MCF2L2: variants seen among roughly 807,000 people sequenced by gnomAD.
MCF2L2 encodes the protein MCF.2 cell line derived transforming sequence-like 2, also known as probable guanine nucleotide exchange factor MCF2L2.
MCF2L2 carries 102 observed loss-of-function variants against 150.2 expected under a neutral mutation model. The ratio of observed to expected loss-of-function variants is 0.68; its 90% CI spans 0.58 to 0.80. The LOEUF is 0.80. Ranked by LOEUF, MCF2L2 falls within the 30% of genes least tolerant of loss-of-function variation. MCF2L2 has a pLI of 0.00. For synonymous variants in MCF2L2, 465 were observed against 491.3 expected (o/e 0.95, Z 0.71); for missense variants, 1,256 against 1,372.8 (o/e 0.91, Z 1.34).
chr3:183,222,618 TTTTG>T lies in MCF2L2; in HGVS notation c.2301+724_2301+727del, dbSNP rs544380655. On this transcript the variant is annotated intron_variant, in intron 20 of 29. Transcript: ENST00000328913. ...TACCCAGTAAACAGTAGGTGCTTGT[TTTTG>T]TTTTTGTTTTTGTTTTTTATTAAGA... Among the ~76,000 whole-genome samples the T allele has an allele frequency of 3.3e-4, 49 of 149,124 alleles. 1 individual carries two copies. The South Asian group carries it at 1.0e-2, about 30-fold the overall frequency.
intron 3 of MCF2L2, chr3:183,376,766 G>A (rs1424678065): frequency 1.3e-5 from 2 of 152,330 alleles, no homozygotes; most frequent in Non-Finnish European, 2.9e-5. Context: ...GTTAGAGTCA[G>A]TTACTTCTAT....
chr3:183,220,660 C>T (rs779700451), intron 20 of MCF2L2, among the ~76,000 whole-genome samples: 2 of 152,184 alleles, frequency 1.3e-5, no homozygotes, highest in Non-Finnish European at 2.9e-5. Flanking sequence ...GCCTGTCTCA[C>T]CAGCCCCTAG....
At chr3:183,397,007 T>C (rs959993561) in intron 1 of MCF2L2, among the ~76,000 whole-genome samples, 2 of 152,222 alleles carry the variant, frequency 1.3e-5, no homozygotes, top group African/African-American at 4.8e-5. Context: ...CCTCTAGGAC[T>C]GTGAGAAAAA....
At chr3:183,212,172 C>T (rs1722747019) in intron 22 of MCF2L2, among the ~76,000 whole-genome samples, 2 of 152,206 alleles carry the variant, frequency 1.3e-5, no homozygotes, top group Admixed American at 6.5e-5. Context: ...AGGATTCTTC[C>T]TGAGAGCCCT....
At chr3:183,407,484 A>G (rs779897411) in intron 1 of MCF2L2, among the ~76,000 whole-genome samples, 2 of 152,224 alleles carry the variant, frequency 1.3e-5, no homozygotes, top group African/African-American at 4.8e-5. Flanking sequence ...AATATGGATG[A>G]TATGTTAGTT....
intron 1 of MCF2L2, among the ~76,000 whole-genome samples, chr3:183,393,194 T>C (rs922317407): frequency 1.4e-5 from 2 of 140,952 alleles, no homozygotes; most frequent in Non-Finnish European, 3.0e-5. Flanking sequence ...ACTTGTCTCT[T>C]TTTTTTTTTT....
At chr3:183,418,438 T>C (rs149813689) in intron 1 of MCF2L2, among the ~76,000 whole-genome samples, 2,769 of 152,202 alleles carry the variant, frequency 0.018, 38 homozygotes, top group Non-Finnish European at 0.027. Context: ...TTCCCAATAG[T>C]CCCCCAAAGT....
intron 3 of MCF2L2, among the ~76,000 whole-genome samples, chr3:183,362,064 T>C (rs915635797): frequency 6.6e-6 from 1 of 152,156 alleles, no homozygotes; most frequent in African/African-American, 2.4e-5. Context: ...TATACGCAAA[T>C]ATTCCAAAAT....
intron 15 of MCF2L2, chr3:183,254,166 G>C (rs1360857411): frequency 2.0e-5 from 3 of 151,840 alleles, no homozygotes; most frequent in Non-Finnish European, 4.4e-5. Context: ...GAGGTCTCTG[G>C]AGGAGAAGAG....
intron 3 of MCF2L2, among the ~76,000 whole-genome samples, chr3:183,369,493 A>G (rs73884684): frequency 0.32 from 48,201 of 152,020 alleles, 11,710 homozygotes; most frequent in African/African-American, 0.68. Flanking sequence ...TTTGTACATG[A>G]GACCCATGAA....
At chr3:183,321,357 G>A (rs1363822985) in intron 6 of MCF2L2, among the ~76,000 whole-genome samples, 1 of 150,292 alleles carries the variant, frequency 6.7e-6, no homozygotes, top group East Asian at 2.0e-4. Context: ...AGAATTGCTT[G>A]AACCCAGGAG....
chr3:183,334,453 C>T (rs770740762), intron 5 of MCF2L2, among the ~76,000 whole-genome samples: 4 of 151,858 alleles, frequency 2.6e-5, no homozygotes, highest in Non-Finnish European at 4.4e-5. Context: ...GGCCTCCAGG[C>T]GATACTCCAA....
In MCF2L2 at chr3:183,256,494, T is replaced by G. The variant is rs1268976490; in HGVS notation, c.1862+20378A>C. Among the ~76,000 whole-genome samples the G allele has an allele frequency of 2.0e-5, 3 of 152,188 alleles. No homozygotes were observed. In the East Asian group the frequency reaches 5.8e-4, roughly 29 times the overall value. ...AAACATTTTAATTCTACAAATTCAG[T>G]TGCTGGCTTTGATATGTAACTTATT... On this transcript the variant is annotated intron_variant, in intron 15 of 29. Transcript: ENST00000328913.
Position 183,218,264 on chromosome 3 carries a change from C to T in MCF2L2, c.2370+1592G>A, listed in dbSNP as rs142990925. ...TATCATGGATTCGTAGCTTCTCATT[C>T]ATAATAAAGAAGCTTCGCTTCCTGG... On this transcript the variant is annotated intron_variant, in intron 21 of 29. Transcript: ENST00000328913. 3.9e-4 allele frequency among the ~76,000 whole-genome samples: 60 copies of T among 152,344 alleles called. No homozygotes were observed. In the East Asian group the frequency reaches 0.011, roughly 28 times the overall value.
intron 15 of MCF2L2, among the ~76,000 whole-genome samples, chr3:183,234,035 A>T (rs945671432): frequency 1.3e-5 from 2 of 152,240 alleles, no homozygotes; most frequent in African/African-American, 4.8e-5. Flanking sequence ...TACTTTACTA[A>T]GTCACTGAGA....
intron 18 of MCF2L2, chr3:183,225,997 C>T (rs1723327661): frequency 6.6e-6 from 1 of 152,170 alleles, no homozygotes; most frequent in Admixed American, 6.5e-5. Context: ...ACCAGTTACT[C>T]CCACATATCA....
At chr3:183,318,278 G>A in intron 6 of MCF2L2, 61 bp from the exon 7 acceptor site, 1 of 1,553,280 alleles carries the variant, frequency 6.4e-7, no homozygotes, top group East Asian at 2.2e-5. Context: ...ATGCTGTCTT[G>A]ATGGAAAGAC....
intron 1 of MCF2L2, among the ~76,000 whole-genome samples, chr3:183,404,617 C>A (rs1279250432): frequency 6.6e-6 from 1 of 152,202 alleles, no homozygotes; most frequent in Non-Finnish European, 1.5e-5. Flanking sequence ...AATCCCAGCA[C>A]TTTGGGAGGC....
At chr3:183,264,432 C>T (rs1725911127) in intron 15 of MCF2L2, among the ~76,000 whole-genome samples, 1 of 152,232 alleles carries the variant, frequency 6.6e-6, no homozygotes, top group Non-Finnish European at 1.5e-5. Flanking sequence ...TCTGTGGGAA[C>T]TATGCTTTCA....
Sources: gnomAD v4.1 joint callset for allele counts (sites outside exome capture counted in the v4.1 genomes callset) on GRCh38, gnomAD v4.1.1 for gene constraint, MANE v1.5 for transcripts, NCBI Gene and HGNC (gene_info 2026-07-23, HGNC 2026-07-21) for gene names.